The following ABCD3 variants were observed in gnomAD, a reference collection of about 807,000 sequenced individuals.
ABCD3 encodes ATP-binding cassette sub-family D member 3.
In ABCD3, 41 loss-of-function variants were observed where a neutral mutation model predicts 105.5. The observed-to-expected ratio is 0.39, with a 90% CI of 0.30 to 0.50. The LOEUF (loss-of-function observed/expected upper bound fraction) is 0.50. Ranked by LOEUF, ABCD3 falls within the 20% of genes least tolerant of loss-of-function variation. ABCD3 has a pLI of 0.84. For missense variants in ABCD3, 622 were observed against 806.3 expected (o/e 0.77, Z 2.77); for synonymous variants, 258 against 269.0 (o/e 0.96, Z 0.40).
intron 21 of ABCD3, among the ~76,000 whole-genome samples, chr1:94,510,983 CCATTTA>C (rs1367787264): frequency 1.8e-4 from 28 of 151,990 alleles, no homozygotes; most frequent in African/African-American, 6.5e-4. Context: ...AGCATTTAGT[CCATTTA>C]CATTTAAAGT....
At chr1:94,404,656 C>A in the ABCD3 span, among the ~76,000 whole-genome samples, 1 of 151,562 alleles carries the variant, frequency 6.6e-6, no homozygotes, top group Admixed American at 6.6e-5. Flanking sequence ...TTTCTGCATC[C>A]CCTTGTAGGT....
At chr1:94,502,797 A>G (rs1056488964) in intron 20 of ABCD3, among the ~76,000 whole-genome samples, 1 of 151,894 alleles carries the variant, frequency 6.6e-6, no homozygotes, top group South Asian at 2.1e-4. Context: ...GCCGCGCCCC[A>G]TTTTACAGAG....
chr1:94,406,492 TC>T, the ABCD3 span: 1 of 417,790 alleles, frequency 2.4e-6, no homozygotes. Context: ...GGCTGGCGCT[TC>T]AGTTGAATCC....
chr1:94,398,400 A>G, the ABCD3 span, among the ~76,000 whole-genome samples: 1 of 152,196 alleles, frequency 6.6e-6, no homozygotes, highest in Non-Finnish European at 1.5e-5. Flanking sequence ...AACCTGTCAG[A>G]ATTGCTAACG....
intron 16 of ABCD3, among the ~76,000 whole-genome samples, chr1:94,495,773 CAAAT>C (rs1372937138): frequency 6.6e-6 from 1 of 152,138 alleles, no homozygotes; most frequent in Non-Finnish European, 1.5e-5. Context: ...CAACATTACT[CAAAT>C]AAAACGTAGC....
At chr1:94,463,495 G>A (rs1647976877) in intron 2 of ABCD3, among the ~76,000 whole-genome samples, 2 of 152,138 alleles carry the variant, frequency 1.3e-5, no homozygotes, top group Non-Finnish European at 2.9e-5. Context: ...CTAACTAATA[G>A]CGTTACTCTA....
At position 94,487,969 on chromosome 1, in the gene ABCD3, G is replaced by A; in HGVS notation, c.1143G>A (p.Met381Ile). ...GAATAGTTTTGGCTGGGCGTGAAAT[G>A]ACTAGATTGGCCGGGTAAGATTAGT... ...LGRIVLAGRE[M>I]TRLAGFTARI... Residue 381 changes from methionine (M) to isoleucine (I), a missense_variant, in exon 13 of 23, where the codon ATG becomes ATA. Physicochemically the swap from Met to Ile is conservative, Grantham distance 10. This residue lies in a region of ABCD3 where 285 missense variants were observed against 352.5 expected (regional missense o/e 0.81). Coordinates refer to ENST00000370214, the MANE Select transcript of ABCD3 (RefSeq NM_002858.4). The A allele has an allele frequency of 2.5e-6, 4 of 1,613,286 alleles. No individual in the cohort carries two copies. Among genetic ancestry groups the A allele is most frequent in the Non-Finnish European group, 3.4e-6 (4 of 1,179,416 alleles).
intron 16 of ABCD3, among the ~76,000 whole-genome samples, chr1:94,496,879 T>C (rs1649840499): frequency 6.6e-6 from 1 of 151,584 alleles, no homozygotes; most frequent in Non-Finnish European, 1.5e-5. Context: ...GCAATTCTCA[T>C]GCCTCAGCCT....
At chr1:94,386,544 A>C in the ABCD3 span, among the ~76,000 whole-genome samples, 1 of 152,382 alleles carries the variant, frequency 6.6e-6, no homozygotes, top group South Asian at 2.1e-4. Context: ...AGTGGAAGGG[A>C]AAATACAGGT....
chr1:94,435,015 CT>C (rs1034307120), intron 1 of ABCD3, among the ~76,000 whole-genome samples: 4 of 152,114 alleles, frequency 2.6e-5, no homozygotes, highest in Non-Finnish European at 5.9e-5. Context: ...ACATATCCCC[CT>C]GCCACCTCCC....
intron 1 of ABCD3, among the ~76,000 whole-genome samples, chr1:94,437,605 T>C (rs1167022836): frequency 2.0e-5 from 3 of 152,246 alleles, no homozygotes; most frequent in African/African-American, 7.2e-5. Context: ...AGGAGATTAA[T>C]GTTGTTTTCA....
intron 1 of ABCD3, among the ~76,000 whole-genome samples, chr1:94,424,131 A>T (rs971856450): frequency 2.0e-5 from 3 of 152,210 alleles, no homozygotes; most frequent in Non-Finnish European, 2.9e-5. Context: ...GTAGCTGTGT[A>T]CTGAACCCAA....
intron 4 of ABCD3, among the ~76,000 whole-genome samples, chr1:94,469,623 AC>A (rs1263473343): frequency 1.3e-5 from 1 of 79,192 alleles, no homozygotes; most frequent in African/African-American, 5.1e-5. Context: ...TTCTATTTCC[AC>A]CCCCGCCCTA....
chr1:94,515,739 A>T (rs546784081), intron 22 of ABCD3, among the ~76,000 whole-genome samples: 4 of 152,064 alleles, frequency 2.6e-5, no homozygotes, highest in Non-Finnish European at 5.9e-5. Context: ...CATTCTCACT[A>T]TGTCAGTTCT....
chr1:94,402,651 C>A, the ABCD3 span, among the ~76,000 whole-genome samples: 3 of 152,164 alleles, frequency 2.0e-5, no homozygotes, highest in Admixed American at 2.0e-4. Flanking sequence ...TCCTCTACCC[C>A]CTTCACGCTC....
chr1:94,447,835 A>C (rs1193497096), intron 1 of ABCD3, among the ~76,000 whole-genome samples: 1 of 152,220 alleles, frequency 6.6e-6, no homozygotes, highest in Non-Finnish European at 1.5e-5. Context: ...CGTAGGGATC[A>C]ATTGAAAACA....
intron 21 of ABCD3, among the ~76,000 whole-genome samples, chr1:94,512,830 T>G (rs1650747225): frequency 6.6e-6 from 1 of 152,106 alleles, no homozygotes; most frequent in South Asian, 2.1e-4. Flanking sequence ...AGTTTCTATA[T>G]AAGTAAATGA....
the ABCD3 span, among the ~76,000 whole-genome samples, chr1:94,410,125 T>C: frequency 6.6e-6 from 1 of 152,222 alleles, no homozygotes; most frequent in Non-Finnish European, 1.5e-5. Context: ...AGCATGCAAG[T>C]GTGGCACACA....
At chr1:94,417,944 A>C (rs919172555), upstream of ABCD3, among the ~76,000 whole-genome samples, 1 of 152,154 alleles carries the variant, frequency 6.6e-6, no homozygotes, top group Non-Finnish European at 1.5e-5. Context: ...TCGTCCTGAT[A>C]ATCACTGTGC....
Sources: gnomAD v4.1 joint callset for allele counts (sites outside exome capture counted in the v4.1 genomes callset) on GRCh38, gnomAD v4.1.1 for gene constraint, gnomAD v4.1.1 regional missense constraint, MANE v1.5 for transcripts, NCBI Gene and HGNC (gene_info 2026-07-23, HGNC 2026-07-21) for gene names.